GSTM2: variants seen among roughly 807,000 people sequenced by gnomAD.
GSTM2 encodes the protein GST class-mu 2.
Under a neutral mutation model 33.3 loss-of-function variants are expected in GSTM2, and 33 were observed. That is an observed-to-expected ratio of 0.99 (90% CI 0.75 to 1.33). The LOEUF is 1.33. Among genes scored for constraint, GSTM2 ranks in the 40% most tolerant of loss-of-function variants. The pLI, the probability that GSTM2 is intolerant of heterozygous loss-of-function variation, is 0.00. For synonymous variants in GSTM2, 93 were observed against 95.6 expected (o/e 0.97, Z 0.16); for missense variants, 213 against 265.8 (o/e 0.80, Z 1.38).
intron 7 of GSTM2, chr1:109,673,594 A>C (rs1481677205): frequency 1.4e-5 from 4 of 292,528 alleles, no homozygotes; most frequent in Non-Finnish European, 2.7e-5. Context: ...GGGATGGAGG[A>C]GAGCTGAGAG....
Position 109,669,009 on chromosome 1 carries a change from C to T in GSTM2, c.177+20C>T, listed in dbSNP as rs759022986. The stretch of plus-strand genomic sequence containing the variant: ...CCCAATGTAGGTGCAGGGGAAGGGG[C>T]GGTTTTGGGGGAAAGTGCGACGTGT... On this transcript the variant is annotated intron_variant, in intron 3 of 7. Coordinates refer to ENST00000241337, the MANE Select transcript of GSTM2 (RefSeq NM_000848.4). 9 of 1,610,308 alleles carry T rather than the reference C, an allele frequency of 5.6e-6. No individual in the cohort carries two copies. Among genetic ancestry groups the T allele is most frequent in the East Asian group, 2.2e-5 (1 of 44,868 alleles).
intron 7 of GSTM2, among the ~76,000 whole-genome samples, chr1:109,672,466 T>G (rs1363580200): frequency 6.6e-6 from 1 of 152,202 alleles, no homozygotes; most frequent in Non-Finnish European, 1.5e-5. Flanking sequence ...AGTCCTTTGC[T>G]CAGGGTCCCA....
rs561058663 is a variant in GSTM2, at chr1:109,668,132, G to A, written c.17G>A (p.Gly6Glu). MPMTLGYWNIRGLAHS... is the reference protein window; with the variant it reads MPMTLEYWNIRGLAHS... ...ACCAGCACCATGCCCATGACACTGG[G>A]GTACTGGAACATCCGCGGGGTGAGC... Residue 6 changes from glycine to glutamate, a missense_variant, in exon 1 of 8, where the codon GGG (glycine) becomes GAG (glutamate). By Grantham distance (98) the Gly-to-Glu change is moderately conservative. Coordinates refer to ENST00000241337, the MANE Select transcript of GSTM2 (RefSeq NM_000848.4). 1.2e-6 allele frequency: 2 copies of A among 1,613,932 alleles called. No individual in the cohort carries two copies. The highest frequency in any genetic ancestry group is 1.7e-6 in the Non-Finnish European group (2 of 1,179,916).
In GSTM2 at chr1:109,668,077, C is replaced by T. The variant is rs1557957217; in HGVS notation, c.-39C>T. On this transcript the variant is annotated 5_prime_UTR_variant, in exon 1 of 8. Coordinates refer to ENST00000241337, the MANE Select transcript of GSTM2 (RefSeq NM_000848.4). ...CTCTCACAAACGCTGAGCCCCGCCC[C>T]GCTGAGGCCTGTCTGCAGAATCCAC... 1.9e-6 allele frequency: 3 copies of T among 1,610,772 alleles called. No individual in the cohort carries two copies. The highest frequency in any genetic ancestry group is 3.3e-4 in the Middle Eastern group (2 of 6,058).
intron 5 of GSTM2, 176 bp downstream of exon 5, chr1:109,669,747 G>A (rs750200737): frequency 2.9e-4 from 172 of 592,556 alleles, no homozygotes; most frequent in Non-Finnish European, 4.6e-4. Flanking sequence ...TGGTGTGTCC[G>A]GAGTTTGTTC....
chr1:109,669,226 T>C (rs1349843680), intron 3 of GSTM2, 64 bp from the exon 4 acceptor site: 1 of 1,576,678 alleles, frequency 6.3e-7, no homozygotes, highest in Non-Finnish European at 8.7e-7. Context: ...CCCTTGCATA[T>C]GGGAAGGGGA....
intron 7 of GSTM2, among the ~76,000 whole-genome samples, chr1:109,673,689 T>A (rs1365614838): frequency 6.6e-6 from 1 of 152,164 alleles, no homozygotes; most frequent in Admixed American, 6.5e-5. Context: ...AACCTCCGCT[T>A]CCTGGGTTCA....
chr1:109,671,840 G>A (rs1289282494), intron 7 of GSTM2, among the ~76,000 whole-genome samples: 1 of 147,784 alleles, frequency 6.8e-6, no homozygotes, highest in Non-Finnish European at 1.5e-5. Context: ...GCGTGGTGGC[G>A]AGCACCTGTA....
Position 109,668,470 on chromosome 1 carries a change from T to A in GSTM2, c.82T>A (p.Tyr28Asn). ...GCTCCTGGAATACACAGACTCAAGCTACGAGGAAAAGAAGTACACGATGGG... is the reference window on the plus strand; with the variant it reads ...GCTCCTGGAATACACAGACTCAAGCAACGAGGAAAAGAAGTACACGATGGG... The part of the protein sequence containing the change: ...RLLLEYTDSS[Y>N]EEKKYTMGDA... Residue 28 changes from tyrosine to asparagine, a missense_variant, in exon 2 of 8, where the codon TAC (tyrosine) becomes AAC (asparagine). Tyr to Asn is a moderately radical substitution (Grantham distance 143). Transcript: ENST00000241337. 1 of 1,614,132 alleles carries A rather than the reference T, an allele frequency of 6.2e-7. No homozygotes were observed. Among genetic ancestry groups the A allele is most frequent in the Non-Finnish European group, 8.5e-7 (1 of 1,180,008 alleles).
At chr1:109,669,875 C>T (rs1474870954) in intron 5 of GSTM2, 6 of 300,242 alleles carry the variant, frequency 2.0e-5, no homozygotes, top group South Asian at 1.4e-4. Flanking sequence ...AAAGGTGGCG[C>T]GTCTGGAGTT....
intron 7 of GSTM2, chr1:109,673,267 A>T: frequency 6.2e-7 from 1 of 1,610,696 alleles, no homozygotes; most frequent in Non-Finnish European, 8.5e-7. Context: ...TCTCCTCTGC[A>T]TGAGGCAGGG....
At chr1:109,681,574 TC>T (rs1305473765) in intron 7 of GSTM2, among the ~76,000 whole-genome samples, 1 of 149,114 alleles carries the variant, frequency 6.7e-6, no homozygotes, top group Non-Finnish European at 1.5e-5. Flanking sequence ...TATGTAATTT[TC>T]TTGTTTACCT....
At chr1:109,668,333 C>G (rs1411945379) in intron 1 of GSTM2, 92 bp from the exon 2 acceptor site, 2 of 1,463,102 alleles carry the variant, frequency 1.4e-6, no homozygotes, top group African/African-American at 2.8e-5. Context: ...GAGGCAGGAA[C>G]GAGAGGAGGA....
chr1:109,671,308 C>T lies in GSTM2; in HGVS notation c.382C>T (p.Leu128=), dbSNP rs1647535832. The T allele has an allele frequency of 1.2e-6, 2 of 1,613,710 alleles. No individual in the cohort carries two copies. The highest frequency in any genetic ancestry group is 1.7e-6 in the Non-Finnish European group (2 of 1,179,570). ...PDFEKLKPEY[L]QALPEMLKLY... ...TCAGGAGAAACTGAAACCAGAATACCTGCAGGCACTCCCTGAAATGCTGAA... is the reference window on the plus strand; with the variant it reads ...TCAGGAGAAACTGAAACCAGAATACTTGCAGGCACTCCCTGAAATGCTGAA... Residue 128 remains leucine (L), a synonymous_variant, in exon 6 of 8, where the codon CTG becomes TTG. Coordinates refer to ENST00000241337, the MANE Select transcript of GSTM2 (RefSeq NM_000848.4).
chr1:109,669,828 G>A (rs1475339052), intron 5 of GSTM2: 2 of 483,466 alleles, frequency 4.1e-6, no homozygotes, highest in South Asian at 5.7e-5. Flanking sequence ...CTTCAGGGGT[G>A]AAGCCGCAGA....
At position 109,668,425 on chromosome 1, in the gene GSTM2, C is replaced by G. The variant is rs1249593795; in HGVS notation, c.37C>G (p.Leu13Val). ...CCGAGCTGTGGGCCATCTCTCCCAG[C>G]TGGCCCATTCCATCCGCCTGCTCCT... is the stretch of plus-strand genomic sequence containing the variant. ...MTLGYWNIRG[L>V]AHSIRLLLEY... Residue 13 changes from leucine (L) to valine (V), a missense_variant and splice_region_variant, in exon 2 of 8, where the codon CTG becomes GTG. By Grantham distance (32) the Leu-to-Val change is conservative (BLOSUM62 1). Transcript: ENST00000241337. The G allele has an allele frequency of 6.2e-7, 1 of 1,613,870 alleles. No individual in the cohort carries two copies. The highest frequency in any genetic ancestry group is 1.7e-5 in the Admixed American group (1 of 60,032).
In GSTM2 at chr1:109,669,279, C is replaced by T; in HGVS notation, c.178-11C>T. On this transcript the variant is annotated splice_polypyrimidine_tract_variant and intron_variant, in intron 3 of 7. Transcript: ENST00000241337. ...GCCCAACTGAGCTTCCCCGGTTTCC[C>T]ATCTATCCAGCTGCCCTACTTGATT... The T allele has an allele frequency of 6.2e-7, 1 of 1,614,068 alleles. No individual in the cohort carries two copies. Among genetic ancestry groups the T allele is most frequent in the East Asian group, 2.2e-5 (1 of 44,886 alleles).
chr1:109,671,481 T>C lies in GSTM2; in HGVS notation c.465T>C (p.Phe155=), dbSNP rs376698398. 9 of 1,610,466 alleles carry C rather than the reference T, an allele frequency of 5.6e-6. No individual in the cohort carries two copies. Among genetic ancestry groups the C allele is most frequent in the Non-Finnish European group, 5.9e-6 (7 of 1,176,720 alleles). The stretch of plus-strand genomic sequence containing the variant: ...TCCTTGGCCTTATCCAGATCACCTT[T>C]GTGGATTTCATCGCTTATGATGTCC... ...QPWFLGDKIT[F]VDFIAYDVLE... is the part of the protein sequence containing the mutation. Residue 155 remains phenylalanine (F), a synonymous_variant, in exon 7 of 8, where the codon TTT becomes TTC. Coordinates refer to ENST00000241337, the MANE Select transcript of GSTM2 (RefSeq NM_000848.4).
chr1:109,676,516 G>T (rs191108850), downstream of GSTM2, among the ~76,000 whole-genome samples: 4 of 152,010 alleles, frequency 2.6e-5, no homozygotes, highest in Non-Finnish European at 5.9e-5. Flanking sequence ...GTGCCCAGCC[G>T]ATTTTTGTAT....
Sources: gnomAD v4.1 joint callset for allele counts (sites outside exome capture counted in the v4.1 genomes callset) on GRCh38, gnomAD v4.1.1 for gene constraint, MANE v1.5 for transcripts, NCBI Gene and HGNC (gene_info 2026-07-23, HGNC 2026-07-21) for gene names.